Variants in SYCE1 observed in about 807,000 individuals in gnomAD.
SYCE1 encodes cancer/testis antigen 76.
In SYCE1, 37 loss-of-function variants were observed where a neutral mutation model predicts 55.1. The observed-to-expected ratio is 0.67, with a 90% CI of 0.52 to 0.88. SYCE1 has a LOEUF of 0.88. Among genes scored for constraint, SYCE1 ranks in the 40% least tolerant of loss-of-function variants. SYCE1 has a pLI of 0.00. For missense variants in SYCE1, 399 were observed against 416.4 expected (o/e 0.96, Z 0.36); for synonymous variants, 163 against 159.4 (o/e 1.02, Z -0.17).
chr10:133,564,777 T>C (rs1386515595), intron 1 of SYCE1, among the ~76,000 whole-genome samples: 5 of 152,196 alleles, frequency 3.3e-5, no homozygotes, highest in Non-Finnish European at 7.4e-5. Context: ...TCTCTCCACT[T>C]TTCTGTAAGT....
downstream of SYCE1, chr10:133,554,385 G>A: frequency 2.0e-6 from 3 of 1,532,686 alleles, no homozygotes; most frequent in Non-Finnish European, 2.7e-6. Flanking sequence ...CTCAGGAGAT[G>A]CAGACTTTGA....
intron 1 of SYCE1, among the ~76,000 whole-genome samples, chr10:133,561,600 C>T (rs888294719): frequency 6.6e-6 from 1 of 152,180 alleles, no homozygotes; most frequent in African/African-American, 2.4e-5. Flanking sequence ...AGAGAGCAGT[C>T]TTCAGCCTAA....
At chr10:133,556,678 G>T in intron 8 of SYCE1, 81 bp downstream of exon 8, 1 of 1,433,482 alleles carries the variant, frequency 7.0e-7, no homozygotes, top group Non-Finnish European at 9.6e-7. Flanking sequence ...GTTGTGGCAG[G>T]TGAGAGGAAG....
chr10:133,560,226 G>T, intron 1 of SYCE1, 73 bp from the exon 2 acceptor site: 1 of 1,366,078 alleles, frequency 7.3e-7, no homozygotes, highest in Non-Finnish European at 1.0e-6. Context: ...ACTGAGGCAG[G>T]CTGAGGGCAG....
chr10:133,559,412 T>C, intron 2 of SYCE1, 52 bp from the exon 3 acceptor site: 1 of 1,565,266 alleles, frequency 6.4e-7, no homozygotes, highest in Non-Finnish European at 8.8e-7. Context: ...GTTGGGGCGG[T>C]TGCCAGCCTT....
At chr10:133,564,711 G>T (rs908654491) in intron 1 of SYCE1, among the ~76,000 whole-genome samples, 1 of 152,110 alleles carries the variant, frequency 6.6e-6, no homozygotes, top group Non-Finnish European at 1.5e-5. Context: ...GGGGACAGAT[G>T]ATCTCAGGAC....
At chr10:133,554,014 G>A (rs949019990), downstream of SYCE1, 1 of 310,298 alleles carries the variant, frequency 3.2e-6, no homozygotes, top group South Asian at 1.3e-4. Flanking sequence ...AAAAAATTGT[G>A]GTGAACCAAT....
intron 6 of SYCE1, 58 bp from the exon 7 acceptor site, chr10:133,557,214 G>C (rs1358230582): frequency 1.6e-5 from 23 of 1,460,624 alleles, no homozygotes; most frequent in Non-Finnish European, 1.9e-5. Context: ...AGGGCACTGG[G>C]CTGGGGCTTC....
In SYCE1 at chr10:133,556,779, T is replaced by C; in HGVS notation, c.508A>G (p.Lys170Glu). The C allele has an allele frequency of 6.4e-7, 1 of 1,570,878 alleles. No individual in the cohort carries two copies. The highest frequency in any genetic ancestry group is 8.6e-7 in the Non-Finnish European group (1 of 1,157,962). The part of the protein sequence containing the change: ...EQLEDLMGQH[K>E]DLWDFHMPER... ...CTCACGTGGAAGTCCCAGAGGTCCTTGTGCTGGCCCATCAGATCTTCCAGC... is the reference window on the plus strand; with the variant it reads ...CTCACGTGGAAGTCCCAGAGGTCCTCGTGCTGGCCCATCAGATCTTCCAGC... The change falls in exon 8 of 13, where the codon AAG (lysine) becomes GAG (glutamate). Residue 170 changes from lysine (K) to glutamate (E), a missense_variant. Lys to Glu is a moderately conservative substitution (Grantham distance 56). Coordinates refer to ENST00000343131, the MANE Select transcript of SYCE1 (RefSeq NM_001143764.3).
chr10:133,567,027 G>T (rs1431182134), upstream of SYCE1, among the ~76,000 whole-genome samples: 1 of 151,812 alleles, frequency 6.6e-6, no homozygotes, highest in Non-Finnish European at 1.5e-5. Context: ...TCGGGCTAGG[G>T]TTTTAGGGGT....
At chr10:133,566,557 C>T (rs957363949), upstream of SYCE1, among the ~76,000 whole-genome samples, 16 of 78,974 alleles carry the variant, frequency 2.0e-4, no homozygotes, top group Admixed American at 3.3e-4. Flanking sequence ...GGGCTAGGGT[C>T]GGGGTAGGGG....
At chr10:133,559,462 AC>A in intron 2 of SYCE1, 102 bp from the exon 3 acceptor site, 1 of 1,183,140 alleles carries the variant, frequency 8.5e-7, no homozygotes, top group Non-Finnish European at 1.3e-6. Context: ...TCTATTGAGT[AC>A]CTCCTGCAAG....
chr10:133,567,750 C>T (rs111317133), upstream of SYCE1: 14,941 of 252,408 alleles, frequency 0.059, 815 homozygotes, highest in African/African-American at 0.2. Flanking sequence ...GCCTTGGCAC[C>T]TCCCTTTGGG....
intron 6 of SYCE1, 106 bp downstream of exon 6, chr10:133,557,758 G>A (rs8181294): frequency 7.7e-7 from 1 of 1,299,628 alleles, no homozygotes; most frequent in Non-Finnish European, 1.1e-6. Flanking sequence ...CCATTGTTTA[G>A]AGGGAAACAA....
upstream of SYCE1, among the ~76,000 whole-genome samples, chr10:133,567,561 C>T (rs1163520555): frequency 1.3e-5 from 2 of 151,982 alleles, no homozygotes; most frequent in Admixed American, 6.6e-5. Flanking sequence ...TAGCACCTAA[C>T]GTTTTCCCCT....
chr10:133,567,487 A>G (rs529970822), upstream of SYCE1, among the ~76,000 whole-genome samples: 43 of 152,070 alleles, frequency 2.8e-4, no homozygotes, highest in African/African-American at 1.0e-3. Flanking sequence ...GGGTTCCTGG[A>G]CGGATGGTTT....
Position 133,560,071 on chromosome 10 carries a change from A to G in SYCE1, c.136+20T>C, listed in dbSNP as rs1851785215. Reference sequence around the variant, plus strand: ...GGCCCCAAACCTCAGGCTGTGCCTCACACAAAGGAGACACACGACCTTTCT... The same window carrying G: ...GGCCCCAAACCTCAGGCTGTGCCTCGCACAAAGGAGACACACGACCTTTCT... On this transcript the variant is annotated intron_variant, in intron 2 of 12. Transcript: ENST00000343131. The G allele has an allele frequency of 6.2e-7, 1 of 1,611,750 alleles. No homozygotes were observed. The highest frequency in any genetic ancestry group is 8.5e-7 in the Non-Finnish European group (1 of 1,177,866).
chr10:133,560,292 A>G (rs1020308088), intron 1 of SYCE1, 139 bp from the exon 2 acceptor site: 11 of 633,128 alleles, frequency 1.7e-5, no homozygotes, highest in Non-Finnish European at 2.7e-5. Context: ...AGTACACTAG[A>G]TGAATCGGGC....
intron 1 of SYCE1, among the ~76,000 whole-genome samples, chr10:133,562,198 T>C (rs1851828277): frequency 6.6e-6 from 1 of 152,074 alleles, no homozygotes; most frequent in African/African-American, 2.4e-5. Context: ...GATGAGATCT[T>C]AAAAATTTTT....
Sources: gnomAD v4.1 joint callset for allele counts (sites outside exome capture counted in the v4.1 genomes callset) on GRCh38, gnomAD v4.1.1 for gene constraint, MANE v1.5 for transcripts, NCBI Gene and HGNC (gene_info 2026-07-23, HGNC 2026-07-21) for gene names.